Variants in SYT14 observed in about 807,000 individuals in gnomAD.
SYT14 encodes synaptotagmin-14.
SYT14 carries 32 observed loss-of-function variants against 74.2 expected under a neutral mutation model. The ratio of observed to expected loss-of-function variants is 0.43; its 90% CI spans 0.33 to 0.58. The LOEUF is 0.58. Among genes scored for constraint, SYT14 ranks in the 20% least tolerant of loss-of-function variants. SYT14 has a pLI of 0.05. For missense variants in SYT14, 791 were observed against 981.8 expected, an observed-to-expected ratio of 0.81 and a Z score of 2.60; for synonymous variants, 298 against 337.7, an observed-to-expected ratio of 0.88 and a Z score of 1.29.
At chr1:210,038,281 CT>C in intron 5 of SYT14, among the ~76,000 whole-genome samples, 1 of 152,138 alleles carries the variant, frequency 6.6e-6, no homozygotes, top group East Asian at 1.9e-4. Context: ...TCTTTTTCCA[CT>C]TCTTCACCTT....
chr1:210,160,686 G>C, intron 9 of SYT14, 43 bp from the exon 9 acceptor site: 1 of 1,573,244 alleles, frequency 6.4e-7, no homozygotes, highest in Non-Finnish European at 8.7e-7. Flanking sequence ...TTTTGAGTTT[G>C]TTTCAAATGA....
chr1:209,990,538 CGT>C (rs2079648738), intron 2 of SYT14, among the ~76,000 whole-genome samples: 1 of 40,072 alleles, frequency 2.5e-5, no homozygotes, highest in African/African-American at 1.7e-4. Flanking sequence ...TATATATATA[CGT>C]ATATATATGT....
intron 7 of SYT14, among the ~76,000 whole-genome samples, chr1:210,118,394 A>G (rs965394028): frequency 1.3e-5 from 2 of 152,108 alleles, no homozygotes; most frequent in East Asian, 3.8e-4. Context: ...ATCAACATCT[A>G]TGAAATTATA....
intron 4 of SYT14, among the ~76,000 whole-genome samples, chr1:210,017,981 T>A (rs752275193): frequency 3.3e-4 from 50 of 152,336 alleles, no homozygotes; most frequent in Middle Eastern, 3.4e-3. Context: ...TCAGTTCTGC[T>A]ACGACTACAT....
chr1:210,149,431 T>G (rs753099737), intron 7 of SYT14, among the ~76,000 whole-genome samples: 6 of 152,070 alleles, frequency 3.9e-5, no homozygotes, highest in Non-Finnish European at 8.8e-5. Flanking sequence ...GTGATCTGCC[T>G]GCCTTGGCCT....
chr1:209,979,669 C>T (rs377615032), intron 2 of SYT14, among the ~76,000 whole-genome samples: 5 of 152,254 alleles, frequency 3.3e-5, no homozygotes, highest in African/African-American at 1.2e-4. Context: ...ATGTTCTCAT[C>T]ACTCACCTCC....
intron 2 of SYT14, among the ~76,000 whole-genome samples, chr1:209,963,696 CACAA>C (rs2079111348): frequency 6.6e-6 from 1 of 152,106 alleles, no homozygotes; most frequent in Non-Finnish European, 1.5e-5. Flanking sequence ...GTTAGGTAAA[CACAA>C]ACAAACCTTT....
intron 7 of SYT14, among the ~76,000 whole-genome samples, chr1:210,109,277 T>C (rs1280887761): frequency 6.6e-6 from 1 of 151,798 alleles, no homozygotes; most frequent in African/African-American, 2.4e-5. Flanking sequence ...AGAATGGCGA[T>C]CATTAAAAAG....
chr1:210,137,647 G>T (rs531073793), intron 7 of SYT14, among the ~76,000 whole-genome samples: 1 of 150,102 alleles, frequency 6.7e-6, no homozygotes, highest in East Asian at 2.0e-4. Context: ...CTCCAGAAAT[G>T]CTCTGGGATT....
chr1:210,146,669 A>G (rs1251229192), intron 7 of SYT14, among the ~76,000 whole-genome samples: 1 of 151,676 alleles, frequency 6.6e-6, no homozygotes, highest in Non-Finnish European at 1.5e-5. Flanking sequence ...GTATGTATAT[A>G]CTACATATAT....
intron 7 of SYT14, among the ~76,000 whole-genome samples, chr1:210,132,063 C>A (rs558844519): frequency 1.3e-5 from 2 of 152,114 alleles, no homozygotes; most frequent in Non-Finnish European, 2.9e-5. Context: ...ACTGGCTCAC[C>A]CCTCTGAATG....
chr1:209,944,957 C>CT (rs1172935737), intron 1 of SYT14, among the ~76,000 whole-genome samples: 1 of 151,968 alleles, frequency 6.6e-6, no homozygotes, highest in Non-Finnish European at 1.5e-5. Flanking sequence ...GGGAATTAAC[C>CT]TTTTTTGGGT....
In SYT14 at chr1:210,032,242, T is replaced by C. The variant is rs573829144; in HGVS notation, c.1312+10988T>C. Among the ~76,000 whole-genome samples the C allele has an allele frequency of 1.5e-4, 23 of 152,256 alleles. No homozygotes were observed. The South Asian group carries it at 4.6e-3, about 30-fold the overall frequency. On this transcript the variant is annotated intron_variant, in intron 5 of 9. Coordinates refer to ENST00000637265, the Ensembl canonical transcript of SYT14. ...ACATAACAGAATGGTATCAATGCAG[T>C]TGAATTTCAGTAGCATACCAGCTGC...
exon 10 of SYT14, chr1:210,163,227 A>G (rs925002354): frequency 8.2e-5 from 36 of 440,948 alleles, no homozygotes; most frequent in Non-Finnish European, 1.5e-4. Flanking sequence ...TCTTAGTGAG[A>G]AAAAGACCTA....
intron 5 of SYT14, among the ~76,000 whole-genome samples, chr1:210,048,383 C>G (rs1026006027): frequency 2.6e-5 from 4 of 152,122 alleles, no homozygotes; most frequent in South Asian, 2.1e-4. Context: ...CTTACAGTTC[C>G]ACATCACTGG....
At chr1:210,126,473 T>C (rs2082573270) in intron 7 of SYT14, among the ~76,000 whole-genome samples, 1 of 152,188 alleles carries the variant, frequency 6.6e-6, no homozygotes, top group Admixed American at 6.5e-5. Context: ...TACTTTATCA[T>C]TATATCTTTG....
At chr1:210,148,398 A>G (rs1362404957) in intron 7 of SYT14, among the ~76,000 whole-genome samples, 1 of 151,952 alleles carries the variant, frequency 6.6e-6, no homozygotes, top group Non-Finnish European at 1.5e-5. Flanking sequence ...AGTCTCAGCT[A>G]TGCAGGAGGC....
At chr1:210,159,264 TG>T in intron 8 of SYT14, 156 bp from the exon 8 acceptor site, 1 of 736,674 alleles carries the variant, frequency 1.4e-6, no homozygotes, top group African/African-American at 1.8e-5. Flanking sequence ...ACATCCTTTT[TG>T]TTCAATCCTC....
rs1167172136 is a variant in SYT14, at chr1:210,114,810, G to A, written c.2034+14349G>A. On this transcript the variant is annotated intron_variant, in intron 7 of 9. Coordinates refer to ENST00000637265, the Ensembl canonical transcript of SYT14. ...GGTGTGAGGAGGGGAGGTGATAAAA[G>A]GATTATAGGGTGGGGGAGCAGAGAA... Among the ~76,000 whole-genome samples, 12 of 150,996 alleles carry A rather than the reference G, an allele frequency of 7.9e-5. 1 individual carries two copies. The highest frequency in any genetic ancestry group is 1.3e-4 in the Non-Finnish European group (9 of 67,998).
Sources: gnomAD v4.1 joint callset for allele counts (sites outside exome capture counted in the v4.1 genomes callset) on GRCh38, gnomAD v4.1.1 for gene constraint, MANE v1.5 for transcripts, NCBI Gene and HGNC (gene_info 2026-07-23, HGNC 2026-07-21) for gene names.